The following DTNBP1 variants were observed in gnomAD, a reference collection of about 807,000 sequenced individuals.
DTNBP1 encodes dystrobrevin binding protein 1, also known as dysbindin.
Under a neutral mutation model 42.8 loss-of-function variants are expected in DTNBP1, and 35 were observed. The observed-to-expected ratio is 0.82, with a 90% CI of 0.63 to 1.09. DTNBP1 has a LOEUF of 1.09. DTNBP1 is among the 50% of genes least tolerant of loss of function. DTNBP1 has a pLI of 0.00. For missense variants in DTNBP1, 457 were observed against 424.2 expected, an observed-to-expected ratio of 1.08 and a Z score of -0.68; for synonymous variants, 171 against 162.2, an observed-to-expected ratio of 1.05 and a Z score of -0.41.
chr6:15,531,374 G>A (rs910653261), intron 8 of DTNBP1, among the ~76,000 whole-genome samples: 3 of 152,126 alleles, frequency 2.0e-5, no homozygotes, highest in South Asian at 2.1e-4. Context: ...CAGCAAACAC[G>A]GAAGCACCAG....
Position 15,523,079 on chromosome 6 carries a change from CG to C in DTNBP1, c.951del (p.Val318LeufsTer67). 1 of 1,614,142 alleles carries C rather than the reference CG, an allele frequency of 6.2e-7. No individual in the cohort carries two copies. The highest frequency in any genetic ancestry group is 8.5e-7 in the Non-Finnish European group (1 of 1,180,024). On this transcript the variant is annotated frameshift_variant, in exon 10 of 10. Transcript: ENST00000344537. LOFTEE classifies it high-confidence loss of function. ...TRDISEGGES[P>X]VVQSDEEEVQ... ...ACTTCCTCCTCATCGGACTGAACAACGGGGGACTCCCCACCCTCACTGATGT... is the reference window on the plus strand; with the variant it reads ...ACTTCCTCCTCATCGGACTGAACAACGGGGACTCCCCACCCTCACTGATGT...
At chr6:15,582,743 T>C (rs915563368) in intron 7 of DTNBP1, among the ~76,000 whole-genome samples, 1 of 152,224 alleles carries the variant, frequency 6.6e-6, no homozygotes, top group Non-Finnish European at 1.5e-5. Flanking sequence ...TTATCTACCA[T>C]AGTATTTATT....
At chr6:15,632,872 T>C (rs747707269) in intron 4 of DTNBP1, among the ~76,000 whole-genome samples, 5 of 152,352 alleles carry the variant, frequency 3.3e-5, no homozygotes, top group South Asian at 2.1e-4. Context: ...TAGGCATACA[T>C]TGAAGAATGT....
At position 15,600,569 on chromosome 6, in the gene DTNBP1, C is replaced by T. The variant is rs571862698; in HGVS notation, c.489-7488G>A. ...TAACAGTAATATAAATGAAGGGACA[C>T]AAGACTACAGACAGCAAGACTAATT... On this transcript the variant is annotated intron_variant, in intron 6 of 9. Transcript: ENST00000344537. 2.0e-5 allele frequency among the ~76,000 whole-genome samples: 3 copies of T among 152,134 alleles called. No individual in the cohort carries two copies. The East Asian group carries it at 5.8e-4, about 29-fold the overall frequency.
Position 15,651,298 on chromosome 6 carries a change from A to G in DTNBP1, c.161+15T>C, listed in dbSNP as rs1239627443. ...AGTCAGAAGTATAACCTTCCTCTAC[A>G]AATGAAACACTTACCTGCTAAGTAA... On this transcript the variant is annotated intron_variant, in intron 3 of 9. Coordinates refer to ENST00000344537, the MANE Select transcript of DTNBP1 (RefSeq NM_032122.5). The G allele has an allele frequency of 1.2e-6, 2 of 1,610,788 alleles. No individual in the cohort carries two copies. The highest frequency in any genetic ancestry group is 2.7e-5 in the African/African-American group (2 of 74,958).
intron 7 of DTNBP1, among the ~76,000 whole-genome samples, chr6:15,550,676 G>A (rs1381949101): frequency 5.3e-5 from 8 of 152,234 alleles, no homozygotes; most frequent in Admixed American, 5.2e-4. Context: ...GAAGGCTTAT[G>A]AATAAGTGAC....
Position 15,659,551 on chromosome 6 carries a change from C to CT in DTNBP1, c.56+3262dup, listed in dbSNP as rs1164636890. Reference sequence around the variant, plus strand: ...CTTTCTTTTTTAAGAGATGGGGTTTCTTTCTTTTTTTTTTTTTTTGAGACG... The same window carrying CT: ...CTTTCTTTTTTAAGAGATGGGGTTTCTTTTCTTTTTTTTTTTTTTTGAGACG... On this transcript the variant is annotated intron_variant, in intron 1 of 9. Coordinates refer to ENST00000344537, the MANE Select transcript of DTNBP1 (RefSeq NM_032122.5). Among the ~76,000 whole-genome samples, 387 of 104,682 alleles carry CT rather than the reference C, an allele frequency of 3.7e-3. 7 individuals carry two copies. The highest frequency in any genetic ancestry group is 4.3e-3 in the Non-Finnish European group (244 of 56,484). The allele number at this position is 104,682 out of a possible 152,430, so 68.7% of individuals were successfully genotyped here.
At position 15,544,820 on chromosome 6, in the gene DTNBP1, C is replaced by A. The variant is rs930266547; in HGVS notation, c.512-11425G>T. 2.0e-5 allele frequency among the ~76,000 whole-genome samples: 3 copies of A among 152,150 alleles called. No individual in the cohort carries two copies. The East Asian group carries it at 5.8e-4, about 29-fold the overall frequency. On this transcript the variant is annotated intron_variant, in intron 7 of 9. Transcript: ENST00000344537. ...GATATGTAATTGTACAGACTGTTTC[C>A]TTTTCTCTCTCTTTTCTCCAGAATG... is the stretch of plus-strand genomic sequence containing the variant.
chr6:15,540,711 G>A (rs1195355513), intron 7 of DTNBP1, among the ~76,000 whole-genome samples: 1 of 151,980 alleles, frequency 6.6e-6, no homozygotes. Context: ...GCGCGATCTC[G>A]GCTCACTGCA....
In DTNBP1 at chr6:15,539,477, C is replaced by T. The variant is rs149381296; in HGVS notation, c.512-6082G>A. ...CAGCTATGGAAGCCAGTTCTGTGTG[C>T]GCTCATTGGGATGCACAGAGGGTCC... On this transcript the variant is annotated intron_variant, in intron 7 of 9. Transcript: ENST00000344537. Among the ~76,000 whole-genome samples the T allele has an allele frequency of 2.7e-3, 404 of 152,312 alleles. 4 individuals are homozygous for T. The highest frequency in any genetic ancestry group is 9.6e-3 in the African/African-American group (398 of 41,570).
chr6:15,634,625 A>AT (rs991714144), intron 4 of DTNBP1, among the ~76,000 whole-genome samples: 25 of 151,814 alleles, frequency 1.6e-4, no homozygotes, highest in Admixed American at 2.6e-4. Flanking sequence ...ACCACTTTCT[A>AT]TTTTTTTTGT....
At chr6:15,563,185 T>A (rs191393742) in intron 7 of DTNBP1, among the ~76,000 whole-genome samples, 1 of 152,276 alleles carries the variant, frequency 6.6e-6, no homozygotes, top group South Asian at 2.1e-4. Flanking sequence ...TCAGCTAAAG[T>A]ACCACTTCCT....
chr6:15,543,181 TC>T (rs1221590693), intron 7 of DTNBP1, among the ~76,000 whole-genome samples: 2 of 152,126 alleles, frequency 1.3e-5, no homozygotes, highest in African/African-American at 2.4e-5. Context: ...CAGGGATTTT[TC>T]CCCCCATTAG....
At chr6:15,537,513 G>C (rs1345321771) in intron 7 of DTNBP1, among the ~76,000 whole-genome samples, 1 of 152,144 alleles carries the variant, frequency 6.6e-6, no homozygotes, top group Non-Finnish European at 1.5e-5. Flanking sequence ...GATTGGTTTT[G>C]AATGTGAAAA....
chr6:15,591,272 G>A (rs12207867), intron 7 of DTNBP1, among the ~76,000 whole-genome samples: 52,452 of 151,720 alleles, frequency 0.35, 9,833 homozygotes, highest in East Asian at 0.6. Context: ...ACTAGTTTTT[G>A]AATTTTTAGT....
chr6:15,659,109 A>G (rs190083976), intron 1 of DTNBP1, among the ~76,000 whole-genome samples: 2 of 152,360 alleles, frequency 1.3e-5, no homozygotes, highest in East Asian at 1.9e-4. Flanking sequence ...GCACTTTTTC[A>G]AAGTTTGAAT....
At chr6:15,600,828 A>G (rs576062639) in intron 6 of DTNBP1, among the ~76,000 whole-genome samples, 2 of 152,348 alleles carry the variant, frequency 1.3e-5, no homozygotes, top group East Asian at 3.9e-4. Context: ...GCTGTGGAAG[A>G]CAATTTTGGG....
At chr6:15,561,693 G>C (rs189485077) in intron 7 of DTNBP1, among the ~76,000 whole-genome samples, 1 of 152,358 alleles carries the variant, frequency 6.6e-6, no homozygotes, top group Admixed American at 6.5e-5. Flanking sequence ...ATCTTGAATA[G>C]GGGCTGGGTA....
Position 15,523,033 on chromosome 6 carries a change from G to A in DTNBP1, c.998C>T (p.Ala333Val). Reference sequence around the variant, plus strand: ...GGCCTCTCTGTCAGTGTGTGATGTGGCCAGGGCAGTGTCCACCTGAACTTC... The same window carrying A: ...GGCCTCTCTGTCAGTGTGTGATGTGACCAGGGCAGTGTCCACCTGAACTTC... Reference protein sequence around the residue: ...EEEVQVDTALATSHTDREATP... With the variant: ...EEEVQVDTALVTSHTDREATP... Residue 333 changes from alanine (A) to valine (V), a missense_variant, in exon 10 of 10, where the codon GCC becomes GTC. Ala to Val is a moderately conservative substitution (Grantham distance 64). Coordinates refer to ENST00000344537, the MANE Select transcript of DTNBP1 (RefSeq NM_032122.5). 1 of 1,614,206 alleles carries A rather than the reference G, an allele frequency of 6.2e-7. No homozygotes were observed. The highest frequency in any genetic ancestry group is 1.3e-5 in the African/African-American group (1 of 75,046).
Sources: gnomAD v4.1 joint callset for allele counts (sites outside exome capture counted in the v4.1 genomes callset) on GRCh38, gnomAD v4.1.1 for gene constraint, MANE v1.5 for transcripts, NCBI Gene and HGNC (gene_info 2026-07-23, HGNC 2026-07-21) for gene names.